The following EHD1 variants were observed in gnomAD, a reference collection of about 807,000 sequenced individuals.
EHD1 encodes EH domain-containing protein 1.
In EHD1, 19 loss-of-function variants were observed where a neutral mutation model predicts 39.0. The ratio of observed to expected loss-of-function variants is 0.49; its 90% CI spans 0.34 to 0.72. EHD1 has a LOEUF of 0.72. Ranked by LOEUF, EHD1 falls within the 30% of genes least tolerant of loss-of-function variation. The pLI is 0.01. For missense variants in EHD1, 542 were observed against 751.5 expected, an observed-to-expected ratio of 0.72 and a Z score of 3.26; for synonymous variants, 323 against 331.2, an observed-to-expected ratio of 0.98 and a Z score of 0.27.
intron 2 of EHD1, among the ~76,000 whole-genome samples, chr11:64,866,487 G>C (rs1943768166): frequency 1.3e-5 from 2 of 152,170 alleles, no homozygotes; most frequent in Non-Finnish European, 2.9e-5. Flanking sequence ...CTTGAGTCCA[G>C]CCTGGGTAAC....
Position 64,854,856 on chromosome 11 carries a change from T to C in EHD1, c.1082A>G (p.Glu361Gly). Residue 361 changes from glutamate (E) to glycine (G), a missense_variant and splice_region_variant, in exon 5 of 5, where the codon GAA becomes GGA. Glu to Gly is a moderately conservative substitution (Grantham distance 98). Transcript: ENST00000320631. ...GCTGAAGTCCTGGGTCTGCAGGAGTTCCTGTGGGCGGGGGAGGAAGGACAA... is the reference window on the plus strand; with the variant it reads ...GCTGAAGTCCTGGGTCTGCAGGAGTCCCTGTGGGCGGGGGAGGAAGGACAA... ...GDFPSLRKMQ[E>G]LLQTQDFSKF... is the part of the protein sequence containing the mutation. 1.3e-6 allele frequency: 2 copies of C among 1,596,848 alleles called. No homozygotes were observed. The highest frequency in any genetic ancestry group is 1.7e-6 in the Non-Finnish European group (2 of 1,177,716).
chr11:64,856,838 C>T (rs1943658895), intron 3 of EHD1, among the ~76,000 whole-genome samples: 1 of 152,208 alleles, frequency 6.6e-6, no homozygotes, highest in Admixed American at 6.5e-5. Context: ...ACAGGGTTTT[C>T]CAGGCGCGGT....
intron 2 of EHD1, among the ~76,000 whole-genome samples, 166 bp downstream of exon 2, chr11:64,874,255 G>A (rs866120602): frequency 7.2e-6 from 1 of 139,306 alleles, no homozygotes; most frequent in Non-Finnish European, 1.5e-5. Flanking sequence ...AGTGAGCTGA[G>A]ATCGCGCCAC....
rs1004852264 is a variant in EHD1 at position 64,853,684 on chromosome 11, A to G, written c.*649T>C. 1 of 154,778 alleles carries G rather than the reference A, an allele frequency of 6.5e-6. No individual in the cohort carries two copies. The highest frequency in any genetic ancestry group is 2.4e-5 in the African/African-American group (1 of 41,464). The allele number at this position is 154,778 out of a possible 1,614,324, so 9.6% of individuals were successfully genotyped here. Reference sequence around the variant, plus strand: ...TGGAAGACATTCTCCTACTCCCCTGAACTCCCAAAAAAAGACCAAGGTGGC... The same window carrying G: ...TGGAAGACATTCTCCTACTCCCCTGGACTCCCAAAAAAAGACCAAGGTGGC... On this transcript the variant is annotated 3_prime_UTR_variant, in exon 5 of 5. Transcript: ENST00000320631.
rs1285798693 is a variant in EHD1 at position 64,874,527 on chromosome 11, G to C, written c.405-9C>G. ...GCTGGGCACACATGAACCTACATGA[G>C]AGCAAGAGCCAGAAGAGAGGCGTCA... On this transcript the variant is annotated splice_polypyrimidine_tract_variant and intron_variant, in intron 1 of 4. Transcript: ENST00000320631. 1.3e-6 allele frequency: 2 copies of C among 1,596,000 alleles called. No homozygotes were observed. Among genetic ancestry groups the C allele is most frequent in the African/African-American group, 1.3e-5 (1 of 74,372 alleles).
At position 64,854,322 on chromosome 11, in the gene EHD1, G is replaced by A. The variant is rs370511627; in HGVS notation, c.*11C>T. 1.9e-6 allele frequency: 3 copies of A among 1,593,048 alleles called. No individual in the cohort carries two copies. The highest frequency in any genetic ancestry group is 2.6e-6 in the Non-Finnish European group (3 of 1,171,526). Reference sequence around the variant, plus strand: ...CGGGCGTGCAAATGGCAGGTGCGGGGCCGGGCGCCATCACTCATGTCTGCG... The same window carrying A: ...CGGGCGTGCAAATGGCAGGTGCGGGACCGGGCGCCATCACTCATGTCTGCG... On this transcript the variant is annotated 3_prime_UTR_variant, in exon 5 of 5. Coordinates refer to ENST00000320631, the MANE Select transcript of EHD1 (RefSeq NM_006795.4).
rs1943612291 is a variant in EHD1 at position 64,853,926 on chromosome 11, G to C, written c.*407C>G. ...GCTCAGAAGCACACGGAGGGTGCCTGGTGTTCCTGTCCATGCAGCCTCAGC... is the reference window on the plus strand; with the variant it reads ...GCTCAGAAGCACACGGAGGGTGCCTCGTGTTCCTGTCCATGCAGCCTCAGC... On this transcript the variant is annotated 3_prime_UTR_variant, in exon 5 of 5. Transcript: ENST00000320631. The C allele has an allele frequency of 4.2e-5, 9 of 215,900 alleles. No homozygotes were observed. The South Asian group carries it at 6.9e-4, about 17-fold the overall frequency. The allele number at this position is 215,900 out of a possible 1,614,324, so 13.4% of individuals were successfully genotyped here. A position where few individuals can be genotyped will look rare whatever the true frequency, so the allele number is the denominator to read the frequency against.
intron 2 of EHD1, among the ~76,000 whole-genome samples, chr11:64,873,550 T>A (rs1204691804): frequency 2.6e-5 from 4 of 152,166 alleles, no homozygotes; most frequent in Non-Finnish European, 5.9e-5. Flanking sequence ...TAAGATTGGC[T>A]GTGGTCTCAC....
At chr11:64,858,888 C>T (rs77394486) in intron 3 of EHD1, among the ~76,000 whole-genome samples, 7,802 of 152,294 alleles carry the variant, frequency 0.051, 256 homozygotes, top group African/African-American at 0.074. Flanking sequence ...TGCCAGGAGA[C>T]CTAAGGATGG....
chr11:64,855,634 C>T (rs1943643194), intron 3 of EHD1, 148 bp from the exon 4 acceptor site: 7 of 1,092,218 alleles, frequency 6.4e-6, no homozygotes, highest in Non-Finnish European at 9.2e-6. Flanking sequence ...GCCGCTACCA[C>T]CACCGGCTCC....
chr11:64,854,453 C>G lies in EHD1; in HGVS notation c.1485G>C (p.Leu495=), dbSNP rs554087346. The part of the protein sequence containing the change: ...WKLADVDKDG[L]LDDEEFALAN... The stretch of plus-strand genomic sequence containing the variant: ...CCAGCGCGAACTCCTCGTCGTCCAG[C>G]AGCCCGTCCTTGTCCACGTCGGCCA... The change falls in exon 5 of 5, where the codon CTG becomes CTC. Residue 495 remains leucine (L), a synonymous_variant. Transcript: ENST00000320631. 1.2e-6 allele frequency: 2 copies of G among 1,614,186 alleles called. No individual in the cohort carries two copies. Among genetic ancestry groups the G allele is most frequent in the South Asian group, 2.2e-5 (2 of 91,090 alleles).
chr11:64,857,471 C>T (rs934346616), intron 3 of EHD1, among the ~76,000 whole-genome samples: 1 of 152,064 alleles, frequency 6.6e-6, no homozygotes, highest in Admixed American at 6.6e-5. Context: ...AAGAAAAACA[C>T]GCAGCCCTCT....
chr11:64,876,082 A>G (rs598941), intron 1 of EHD1, among the ~76,000 whole-genome samples: 151,539 of 152,354 alleles, frequency 0.99, 75,371 homozygotes, highest in East Asian at 1. Context: ...TCTCACCAAG[A>G]ACGCACAGGT....
chr11:64,874,458 G>A lies in EHD1; in HGVS notation c.465C>T (p.Pro155=), dbSNP rs779687030. The A allele has an allele frequency of 1.1e-5, 18 of 1,610,348 alleles. No individual in the cohort carries two copies. Among genetic ancestry groups the A allele is most frequent in the East Asian group, 8.9e-5 (4 of 44,782 alleles). Residue 155 remains proline, a synonymous_variant, in exon 2 of 5, where the codon CCC becomes CCT. Transcript: ENST00000320631. ...VLDSISIIDT[P]GILSGEKQRI... ...GCTGCTTCTCTCCAGACAGGATCCCGGGGGTGTCGATGATGCTGATGCTGT... is the reference window on the plus strand; with the variant it reads ...GCTGCTTCTCTCCAGACAGGATCCCAGGGGTGTCGATGATGCTGATGCTGT...
chr11:64,878,914 C>G, upstream of EHD1: 1 of 1,027,862 alleles, frequency 9.7e-7, no homozygotes, highest in Non-Finnish European at 1.2e-6. Context: ...TCGGCGGAGA[C>G]GGCCTCTGGG....
rs752211913 is a variant in EHD1 at position 64,870,608 on chromosome 11, A to G, written c.502+3813T>C. ...GCTTTCATGGGGAGATTGAGACACAAAAACTCCCGCTTAGTTCACAGTTGC... is the reference window on the plus strand; with the variant it reads ...GCTTTCATGGGGAGATTGAGACACAGAAACTCCCGCTTAGTTCACAGTTGC... On this transcript the variant is annotated intron_variant, in intron 2 of 4. Transcript: ENST00000320631. Among the ~76,000 whole-genome samples, 46 of 152,204 alleles carry G rather than the reference A, an allele frequency of 3.0e-4. 1 individual carries two copies. The highest frequency in any genetic ancestry group is 3.4e-4 in the Non-Finnish European group (23 of 68,026).
Position 64,861,467 on chromosome 11 carries a change from G to A in EHD1, c.503-1131C>T, listed in dbSNP as rs73496378. Among the ~76,000 whole-genome samples, 212 of 152,330 alleles carry A rather than the reference G, an allele frequency of 1.4e-3. 1 individual carries two copies. The highest frequency in any genetic ancestry group is 4.9e-3 in the African/African-American group (203 of 41,574). On this transcript the variant is annotated intron_variant, in intron 2 of 4. Coordinates refer to ENST00000320631, the MANE Select transcript of EHD1 (RefSeq NM_006795.4). ...GCCTGCTGTATGCCCTGGGACGGTA[G>A]TGACAAGAGGCGCCTGCAAAAGTAA...
chr11:64,860,585 T>G (rs1943705058), intron 2 of EHD1, among the ~76,000 whole-genome samples: 1 of 150,088 alleles, frequency 6.7e-6, no homozygotes, highest in Non-Finnish European at 1.5e-5. Context: ...ATACACAAAT[T>G]AGCCGGGCAG....
At chr11:64,871,074 G>GA (rs1158065373) in intron 2 of EHD1, among the ~76,000 whole-genome samples, 2 of 152,070 alleles carry the variant, frequency 1.3e-5, no homozygotes, top group African/African-American at 4.8e-5. Context: ...GGGGAAAGGG[G>GA]AAAAAAAGTC....
Sources: allele counts gnomAD v4.1 joint callset (sites outside exome capture counted in the v4.1 genomes callset), GRCh38; gene constraint gnomAD v4.1.1; transcripts MANE v1.5; gene names NCBI Gene and HGNC (gene_info 2026-07-23, HGNC 2026-07-21).